The following ERC2 variants were observed in gnomAD, a reference collection of about 807,000 sequenced individuals.
ERC2 encodes the protein ELKS/RAB6-interacting/CAST family member 2.
In ERC2, 42 loss-of-function variants were observed where a neutral mutation model predicts 114.8. That is an observed-to-expected ratio of 0.37 (90% CI 0.29 to 0.47). The LOEUF is 0.47. ERC2 is among the 20% of genes least tolerant of loss of function. The pLI, the probability that ERC2 is intolerant of heterozygous loss-of-function variation, is 0.99. For missense variants in ERC2, 939 were observed against 1,150.7 expected, an observed-to-expected ratio of 0.82 and a Z score of 2.66; for synonymous variants, 454 against 425.5, an observed-to-expected ratio of 1.07 and a Z score of -0.82.
At chr3:55,815,290 A>G (rs2059867916) in intron 14 of ERC2, among the ~76,000 whole-genome samples, 1 of 152,190 alleles carries the variant, frequency 6.6e-6, no homozygotes, top group Admixed American at 6.5e-5. Flanking sequence ...ACCCATTAAT[A>G]TATTATGTTA....
At chr3:56,102,963 A>G (rs1445133647) in intron 6 of ERC2, among the ~76,000 whole-genome samples, 1 of 152,210 alleles carries the variant, frequency 6.6e-6, no homozygotes, top group Non-Finnish European at 1.5e-5. Flanking sequence ...GAAGCAAACA[A>G]TGGTAAATGA....
In ERC2 at chr3:55,611,284, G is replaced by A. The variant is rs1175967527; in HGVS notation, c.*39+72510C>T. ...TAAGCATTGTTAGGCTGGGAAGGAGGGCTTTGAGTTAGATTGTCCTCTCCG... is the reference window on the plus strand; with the variant it reads ...TAAGCATTGTTAGGCTGGGAAGGAGAGCTTTGAGTTAGATTGTCCTCTCCG... On this transcript the variant is annotated intron_variant, in intron 17 of 17. Coordinates refer to ENST00000288221, the MANE Select transcript of ERC2 (RefSeq NM_015576.3). Among the ~76,000 whole-genome samples, 2 of 152,306 alleles carry A rather than the reference G, an allele frequency of 1.3e-5. 1 individual carries two copies. The highest frequency in any genetic ancestry group is 4.2e-4 in the South Asian group (2 of 4,818).
chr3:56,449,698 C>T (rs2062744966), intron 1 of ERC2, among the ~76,000 whole-genome samples: 1 of 152,174 alleles, frequency 6.6e-6, no homozygotes, highest in South Asian at 2.1e-4. Flanking sequence ...TCACTTTTCT[C>T]ATCTGTAAAA....
At chr3:56,449,074 CA>C (rs34335399) in intron 1 of ERC2, among the ~76,000 whole-genome samples, 36 of 112,250 alleles carry the variant, frequency 3.2e-4, no homozygotes, top group Middle Eastern at 4.0e-3. Flanking sequence ...GACTCCATCT[CA>C]AAAAAAAAAA....
At chr3:55,590,372 T>C (rs2057813860) in intron 17 of ERC2, among the ~76,000 whole-genome samples, 1 of 152,138 alleles carries the variant, frequency 6.6e-6, no homozygotes, top group Non-Finnish European at 1.5e-5. Context: ...AAAGAGCACA[T>C]CCTCTGACTC....
At chr3:56,426,189 A>G (rs897969619) in intron 2 of ERC2, among the ~76,000 whole-genome samples, 2 of 152,198 alleles carry the variant, frequency 1.3e-5, no homozygotes, top group Admixed American at 6.5e-5. Context: ...GATTTCTCAG[A>G]CTTATACTAG....
chr3:56,097,282 G>T (rs545022843), intron 6 of ERC2, among the ~76,000 whole-genome samples: 1 of 152,044 alleles, frequency 6.6e-6, no homozygotes, highest in African/African-American at 2.4e-5. Flanking sequence ...TAAAAACTAA[G>T]CTGGAAGCAA....
chr3:55,846,193 T>C (rs888031418), intron 14 of ERC2, among the ~76,000 whole-genome samples: 33 of 152,346 alleles, frequency 2.2e-4, no homozygotes, highest in African/African-American at 7.9e-4. Context: ...TTTCCTTCTT[T>C]GTATCAATGT....
intron 3 of ERC2, among the ~76,000 whole-genome samples, chr3:56,247,675 A>G (rs1033099987): frequency 3.9e-5 from 6 of 152,222 alleles, no homozygotes; most frequent in Non-Finnish European, 8.8e-5. Context: ...GATGGTTCTA[A>G]TGAGCCCCTG....
At chr3:55,896,782 A>G (rs2063860499) in intron 13 of ERC2, among the ~76,000 whole-genome samples, 1 of 152,252 alleles carries the variant, frequency 6.6e-6, no homozygotes, top group East Asian at 1.9e-4. Context: ...CTAGAACATA[A>G]TAATTAAAGG....
chr3:56,440,953 C>T (rs1288015701), intron 1 of ERC2, among the ~76,000 whole-genome samples: 1 of 152,168 alleles, frequency 6.6e-6, no homozygotes, highest in East Asian at 1.9e-4. Context: ...GTCTGTAGTT[C>T]CATTAGTTCC....
At chr3:55,542,076 C>T (rs1217048524) in intron 17 of ERC2, among the ~76,000 whole-genome samples, 2 of 152,170 alleles carry the variant, frequency 1.3e-5, no homozygotes, top group Non-Finnish European at 2.9e-5. Context: ...AAAATTGAGA[C>T]AGAAAATCTA....
intron 8 of ERC2, among the ~76,000 whole-genome samples, chr3:56,012,226 C>T (rs1337582760): frequency 6.6e-6 from 1 of 152,062 alleles, no homozygotes; most frequent in Non-Finnish European, 1.5e-5. Flanking sequence ...CTGCCTTTTG[C>T]CCACACTACA....
intron 2 of ERC2, among the ~76,000 whole-genome samples, chr3:56,397,928 G>A (rs4974211): frequency 0.23 from 35,680 of 152,034 alleles, 4,787 homozygotes; most frequent in Non-Finnish European, 0.3. Flanking sequence ...AAGAAGGGGG[G>A]ACAAAAGAGA....
intron 2 of ERC2, among the ~76,000 whole-genome samples, chr3:56,389,360 A>G (rs2060047129): frequency 6.6e-6 from 1 of 152,198 alleles, no homozygotes; most frequent in African/African-American, 2.4e-5. Flanking sequence ...CAGTCTTTTA[A>G]CCACAAGAGT....
intron 14 of ERC2, among the ~76,000 whole-genome samples, chr3:55,840,279 A>G (rs2061074733): frequency 6.6e-6 from 1 of 152,114 alleles, no homozygotes; most frequent in Non-Finnish European, 1.5e-5. Flanking sequence ...TCAAAACTCC[A>G]AAACAAGTAA....
intron 10 of ERC2, among the ~76,000 whole-genome samples, chr3:55,992,892 GAGCTAATTCATGAACAAGT>G (rs2071189957): frequency 1.3e-5 from 2 of 152,178 alleles, no homozygotes. Flanking sequence ...GGAGGAGGAT[GAGCTAATTCATGAACAAGT>G]ACACAGACAA....
chr3:55,591,928 G>A (rs552927018), intron 17 of ERC2, among the ~76,000 whole-genome samples: 1 of 152,346 alleles, frequency 6.6e-6, no homozygotes, highest in South Asian at 2.1e-4. Context: ...GTTTAATGCT[G>A]ACACATAGCT....
chr3:55,686,276 G>A (rs2062327047), intron 16 of ERC2, among the ~76,000 whole-genome samples: 1 of 152,188 alleles, frequency 6.6e-6, no homozygotes, highest in Non-Finnish European at 1.5e-5. Flanking sequence ...ATTTAATGTG[G>A]CAGAAATGTG....
Sources: gnomAD v4.1 joint callset for allele counts (sites outside exome capture counted in the v4.1 genomes callset) on GRCh38, gnomAD v4.1.1 for gene constraint, MANE v1.5 for transcripts, NCBI Gene and HGNC (gene_info 2026-07-23, HGNC 2026-07-21) for gene names.